The following ARHGAP10 variants were observed in gnomAD, a reference collection of about 807,000 sequenced individuals.
ARHGAP10 encodes rho GTPase-activating protein 10.
A neutral mutation model predicts 108.6 loss-of-function variants in ARHGAP10; 87 were observed. The ratio of observed to expected loss-of-function variants is 0.80; its 90% CI spans 0.67 to 0.96. The LOEUF is 0.96. Among genes scored for constraint, ARHGAP10 ranks in the 40% least tolerant of loss-of-function variants. The pLI, the probability that ARHGAP10 is intolerant of heterozygous loss-of-function variation, is 0.00. For missense variants in ARHGAP10, 939 were observed against 954.5 expected, an observed-to-expected ratio of 0.98 and a Z score of 0.21; for synonymous variants, 347 against 341.1, an observed-to-expected ratio of 1.02 and a Z score of -0.19.
At chr4:147,780,190 G>C (rs1369402574) in intron 1 of ARHGAP10, among the ~76,000 whole-genome samples, 1 of 152,138 alleles carries the variant, frequency 6.6e-6, no homozygotes, top group Non-Finnish European at 1.5e-5. Context: ...CTCCTTTGAT[G>C]GCTGCACTCG....
At chr4:148,067,746 C>T (rs906624483) in intron 22 of ARHGAP10, among the ~76,000 whole-genome samples, 1 of 152,162 alleles carries the variant, frequency 6.6e-6, no homozygotes, top group Non-Finnish European at 1.5e-5. Context: ...GACCCCTGGG[C>T]GGCCTCGTCA....
intron 19 of ARHGAP10, among the ~76,000 whole-genome samples, chr4:148,036,744 G>C (rs1269299735): frequency 6.6e-6 from 1 of 152,228 alleles, no homozygotes; most frequent in Non-Finnish European, 1.5e-5. Flanking sequence ...TGGAGAGGGA[G>C]TGCCAGGTTT....
At chr4:147,737,430 C>T (rs1430338655) in intron 1 of ARHGAP10, among the ~76,000 whole-genome samples, 2 of 151,392 alleles carry the variant, frequency 1.3e-5, no homozygotes, top group African/African-American at 4.9e-5. Context: ...GCTGGGATTA[C>T]AGGTGTCAGC....
Position 147,829,384 on chromosome 4 carries a change from T to C in ARHGAP10, c.312+6427T>C, listed in dbSNP as rs149772480. Among the ~76,000 whole-genome samples, 439 of 152,222 alleles carry C rather than the reference T, an allele frequency of 2.9e-3. 1 individual carries two copies. The highest frequency in any genetic ancestry group is 4.7e-3 in the Admixed American group (72 of 15,286). ...TTGTATTTTTAGTAGACATGAGGTTTCACCATGTTGGGCAGGCTGGTCTCA... is the reference window on the plus strand; with the variant it reads ...TTGTATTTTTAGTAGACATGAGGTTCCACCATGTTGGGCAGGCTGGTCTCA... On this transcript the variant is annotated intron_variant, in intron 3 of 22. Transcript: ENST00000336498.
chr4:148,019,997 T>G (rs774003134), intron 18 of ARHGAP10, among the ~76,000 whole-genome samples: 5 of 152,162 alleles, frequency 3.3e-5, no homozygotes, highest in Non-Finnish European at 5.9e-5. Context: ...GCTTTGAATA[T>G]TTGCATTATG....
chr4:147,789,552 G>C (rs1424546262), intron 1 of ARHGAP10, among the ~76,000 whole-genome samples: 2 of 152,186 alleles, frequency 1.3e-5, no homozygotes, highest in Admixed American at 1.3e-4. Flanking sequence ...GATTACAGGC[G>C]TGAGCCACCA....
At chr4:147,923,749 C>A (rs1737340436) in intron 13 of ARHGAP10, among the ~76,000 whole-genome samples, 1 of 152,220 alleles carries the variant, frequency 6.6e-6, no homozygotes, top group South Asian at 2.1e-4. Flanking sequence ...TTGAAGATTG[C>A]TTTGCCTCCA....
intron 19 of ARHGAP10, among the ~76,000 whole-genome samples, chr4:148,039,371 T>A (rs1728528322): frequency 1.0e-5 from 1 of 100,094 alleles, no homozygotes; most frequent in African/African-American, 7.3e-5. Context: ...TACTTCAATT[T>A]TTTTTTTTTT....
In ARHGAP10 at chr4:147,777,218, A is replaced by G. The variant is rs148794136; in HGVS notation, c.154+44763A>G. On this transcript the variant is annotated intron_variant, in intron 1 of 22. Coordinates refer to ENST00000336498, the MANE Select transcript of ARHGAP10 (RefSeq NM_024605.4). Reference sequence around the variant, plus strand: ...TTTCTGTCTTTGCTAATTGAACTAGAGTCTGTGTGGCTGGATAGAATCGTC... The same window carrying G: ...TTTCTGTCTTTGCTAATTGAACTAGGGTCTGTGTGGCTGGATAGAATCGTC... 6.2e-3 allele frequency among the ~76,000 whole-genome samples: 934 copies of G among 150,390 alleles called. 6 individuals are homozygous for G. Among genetic ancestry groups the G allele is most frequent in the Middle Eastern group, 0.035 (10 of 288 alleles).
intron 15 of ARHGAP10, among the ~76,000 whole-genome samples, chr4:147,948,784 G>A (rs988973172): frequency 7.9e-5 from 12 of 151,124 alleles, no homozygotes; most frequent in Admixed American, 7.2e-4. Context: ...GTGAAACCCC[G>A]TCTCTACTAA....
intron 1 of ARHGAP10, among the ~76,000 whole-genome samples, chr4:147,779,915 C>T (rs1730459797): frequency 6.6e-6 from 1 of 152,138 alleles, no homozygotes; most frequent in African/African-American, 2.4e-5. Flanking sequence ...CTGTAATTTT[C>T]CCTAGACACT....
intron 13 of ARHGAP10, among the ~76,000 whole-genome samples, chr4:147,926,377 G>A (rs1474861304): frequency 6.6e-6 from 1 of 152,052 alleles, no homozygotes; most frequent in Non-Finnish European, 1.5e-5. Context: ...TAGGAAGAGA[G>A]ACTTCGCAGA....
chr4:148,061,939 G>A (rs1729638491), intron 20 of ARHGAP10, among the ~76,000 whole-genome samples: 1 of 152,252 alleles, frequency 6.6e-6, no homozygotes, highest in Non-Finnish European at 1.5e-5. Context: ...GGGTTAGAGA[G>A]GCCACAGGGG....
intron 1 of ARHGAP10, among the ~76,000 whole-genome samples, chr4:147,794,116 G>A (rs192801085): frequency 2.0e-4 from 30 of 152,218 alleles, no homozygotes; most frequent in Admixed American, 4.6e-4. Flanking sequence ...GGACAGGCTC[G>A]AACACAAATA....
chr4:147,929,232 C>A (rs140446818), intron 13 of ARHGAP10, among the ~76,000 whole-genome samples: 8 of 152,242 alleles, frequency 5.3e-5, no homozygotes, highest in Non-Finnish European at 8.8e-5. Flanking sequence ...TGCTGCTTGG[C>A]AGTATTTAAT....
At chr4:148,020,790 G>C (rs184741486) in intron 18 of ARHGAP10, among the ~76,000 whole-genome samples, 1 of 152,024 alleles carries the variant, frequency 6.6e-6, no homozygotes, top group Non-Finnish European at 1.5e-5. Flanking sequence ...AATGATTTGC[G>C]TTCCTTTGGG....
intron 17 of ARHGAP10, 72 bp from the exon 18 acceptor site, chr4:147,966,608 T>G: frequency 7.4e-7 from 1 of 1,353,388 alleles, no homozygotes; most frequent in Non-Finnish European, 9.9e-7. Context: ...AAATACAGAG[T>G]TGCAGACTAT....
intron 16 of ARHGAP10, among the ~76,000 whole-genome samples, chr4:147,963,209 G>A (rs1448035794): frequency 2.6e-5 from 4 of 152,068 alleles, no homozygotes; most frequent in Non-Finnish European, 5.9e-5. Flanking sequence ...CTATACCCTC[G>A]AAGAGCTGTC....
intron 10 of ARHGAP10, among the ~76,000 whole-genome samples, chr4:147,889,030 A>C (rs968899173): frequency 6.6e-6 from 1 of 152,216 alleles, no homozygotes; most frequent in Non-Finnish European, 1.5e-5. Context: ...TTGGTATCAC[A>C]ATACCACATG....
Sources: gnomAD v4.1 joint callset for allele counts (sites outside exome capture counted in the v4.1 genomes callset) on GRCh38, gnomAD v4.1.1 for gene constraint, MANE v1.5 for transcripts, NCBI Gene and HGNC (gene_info 2026-07-23, HGNC 2026-07-21) for gene names.